SLC17A1: variants seen among roughly 807,000 people sequenced by gnomAD.
SLC17A1 encodes the protein solute carrier family 17 member 1.
Under a neutral mutation model 53.5 loss-of-function variants are expected in SLC17A1, and 51 were observed. The observed-to-expected ratio is 0.95, with a 90% CI of 0.76 to 1.20. SLC17A1 has a LOEUF of 1.20. Ranked by LOEUF, SLC17A1 falls within the 50% of genes most tolerant of loss-of-function variation. SLC17A1 has a pLI of 0.00. For synonymous variants in SLC17A1, 179 were observed against 198.8 expected (o/e 0.90, Z 0.84); for missense variants, 538 against 568.2 (o/e 0.95, Z 0.54).
At chr6:25,736,550 A>G in the SLC17A1 span, among the ~76,000 whole-genome samples, 2 of 152,158 alleles carry the variant, frequency 1.3e-5, no homozygotes. Flanking sequence ...TTAGAGCCAA[A>G]CAAGGGGTAT....
At chr6:25,772,234 T>A in the SLC17A1 span, among the ~76,000 whole-genome samples, 1 of 152,276 alleles carries the variant, frequency 6.6e-6, no homozygotes, top group South Asian at 2.1e-4. Context: ...CAAGAAACAG[T>A]AAGGAGCATA....
chr6:25,744,353 T>C, the SLC17A1 span, among the ~76,000 whole-genome samples: 1 of 152,328 alleles, frequency 6.6e-6, no homozygotes, highest in Non-Finnish European at 1.5e-5. Context: ...TCCAGTTTGC[T>C]TGAGACAGAA....
chr6:25,747,590 G>A, the SLC17A1 span, among the ~76,000 whole-genome samples: 1 of 152,224 alleles, frequency 6.6e-6, no homozygotes, highest in African/African-American at 2.4e-5. Flanking sequence ...AGATTCATAT[G>A]TTAAAATCCT....
At chr6:25,755,938 C>T in the SLC17A1 span, among the ~76,000 whole-genome samples, 2 of 152,224 alleles carry the variant, frequency 1.3e-5, no homozygotes, top group Non-Finnish European at 2.9e-5. Context: ...TTCCCATATA[C>T]ACCTCATTAG....
At chr6:25,785,451 G>GA (rs1285968159) in intron 12 of SLC17A1, among the ~76,000 whole-genome samples, 1 of 151,880 alleles carries the variant, frequency 6.6e-6, no homozygotes, top group African/African-American at 2.4e-5. Context: ...AGCAATAAAA[G>GA]AAAAAATAGA....
the SLC17A1 span, chr6:25,727,166 C>T: frequency 5.3e-4 from 861 of 1,614,184 alleles, 1 homozygote; most frequent in Non-Finnish European, 6.9e-4. Flanking sequence ...CTCACTACAG[C>T]AAGCGCTCCA....
chr6:25,738,664 T>C, the SLC17A1 span, among the ~76,000 whole-genome samples: 3 of 152,150 alleles, frequency 2.0e-5, no homozygotes, highest in Non-Finnish European at 4.4e-5. Flanking sequence ...TATGTTAATA[T>C]AAAGAATTCT....
chr6:25,785,142 T>C (rs935790919), intron 12 of SLC17A1, among the ~76,000 whole-genome samples: 6 of 152,046 alleles, frequency 3.9e-5, no homozygotes, highest in Admixed American at 2.0e-4. Flanking sequence ...AAGAAAACAA[T>C]TCAATTTCAA....
chr6:25,811,384 T>C lies in SLC17A1; in HGVS notation c.1178+14A>G, dbSNP rs1764150122. 1.3e-6 allele frequency: 2 copies of C among 1,598,128 alleles called. No individual in the cohort carries two copies. Among genetic ancestry groups the C allele is most frequent in the South Asian group, 2.3e-5 (2 of 88,688 alleles). On this transcript the variant is annotated intron_variant, in intron 10 of 12. Transcript: ENST00000244527. ...TTGTTAAAGGTTAAAAAAAAGCGTATAAACAAATCCTACCTGGGAGCAATA... is the reference window on the plus strand; with the variant it reads ...TTGTTAAAGGTTAAAAAAAAGCGTACAAACAAATCCTACCTGGGAGCAATA...
At chr6:25,726,074 G>T in the SLC17A1 span, 2 of 1,453,284 alleles carry the variant, frequency 1.4e-6, no homozygotes, top group Non-Finnish European at 1.8e-6. Flanking sequence ...AGGTGGCTCT[G>T]AAAAGAGCCT....
At chr6:25,821,264 T>A (rs1265392651) in intron 3 of SLC17A1, among the ~76,000 whole-genome samples, 1 of 152,210 alleles carries the variant, frequency 6.6e-6, no homozygotes, top group East Asian at 1.9e-4. Flanking sequence ...TTCAAGTCAC[T>A]GTCACCCTAT....
At position 25,795,617 on chromosome 6, in the gene SLC17A1, T is replaced by C. The variant is rs559225475; in HGVS notation, c.*2+3166A>G. Among the ~76,000 whole-genome samples the C allele has an allele frequency of 6.6e-5, 10 of 152,196 alleles. No homozygotes were observed. The East Asian group carries it at 7.7e-4, about 12-fold the overall frequency. Reference sequence around the variant, plus strand: ...AAGTCATCTATATAAAGGAGACGGCTCTCAAAGTGGGTGAAATAATTGAAC... The same window carrying C: ...AAGTCATCTATATAAAGGAGACGGCCCTCAAAGTGGGTGAAATAATTGAAC... On this transcript the variant is annotated intron_variant, in intron 12 of 12. Transcript: ENST00000244527.
chr6:25,827,164 A>G (rs1259437024), intron 2 of SLC17A1, among the ~76,000 whole-genome samples: 1 of 152,172 alleles, frequency 6.6e-6, no homozygotes, highest in African/African-American at 2.4e-5. Context: ...AAACAGATAC[A>G]CATATATGGT....
the SLC17A1 span, among the ~76,000 whole-genome samples, chr6:25,767,068 A>G: frequency 6.6e-6 from 1 of 152,204 alleles, no homozygotes; most frequent in East Asian, 1.9e-4. Context: ...GAGGAACTCA[A>G]CAATTCTATA....
intron 12 of SLC17A1, among the ~76,000 whole-genome samples, chr6:25,792,853 C>A (rs565391633): frequency 6.6e-5 from 10 of 152,182 alleles, no homozygotes; most frequent in Admixed American, 1.3e-4. Flanking sequence ...TGCCTACATC[C>A]TAGTCTGCAC....
At chr6:25,750,186 A>G in the SLC17A1 span, among the ~76,000 whole-genome samples, 1 of 152,212 alleles carries the variant, frequency 6.6e-6, no homozygotes. Flanking sequence ...CTGTTATTAG[A>G]GTTTAGAAGG....
At chr6:25,820,876 C>T (rs112335862) in intron 3 of SLC17A1, among the ~76,000 whole-genome samples, 5 of 127,126 alleles carry the variant, frequency 3.9e-5, no homozygotes, top group African/African-American at 1.2e-4. Context: ...CCAGTCTGGG[C>T]GACAGAGTGA....
intron 6 of SLC17A1, among the ~76,000 whole-genome samples, chr6:25,815,073 T>A (rs1764298548): frequency 6.9e-6 from 1 of 145,302 alleles, no homozygotes; most frequent in Non-Finnish European, 1.5e-5. Flanking sequence ...TTATAAAAGC[T>A]GTAATATACA....
the SLC17A1 span, among the ~76,000 whole-genome samples, chr6:25,739,115 T>TAAAC: frequency 6.6e-6 from 1 of 151,822 alleles, no homozygotes; most frequent in Middle Eastern, 3.4e-3. Context: ...CCAAGTAGCT[T>TAAAC]AAACAAACAA....
Sources: gnomAD v4.1 joint callset for allele counts (sites outside exome capture counted in the v4.1 genomes callset) on GRCh38, gnomAD v4.1.1 for gene constraint, MANE v1.5 for transcripts, NCBI Gene and HGNC (gene_info 2026-07-23, HGNC 2026-07-21) for gene names.